The following LARGE1 variants were observed in gnomAD, a reference collection of about 807,000 sequenced individuals.
LARGE1 encodes xylosyl- and glucuronyltransferase LARGE1.
In LARGE1, 43 loss-of-function variants were observed where a neutral mutation model predicts 87.6. The observed-to-expected ratio is 0.49, with a 90% CI of 0.38 to 0.63. LARGE1 has a LOEUF of 0.63. Among genes scored for constraint, LARGE1 ranks in the 30% least tolerant of loss-of-function variants. The probability of loss-of-function intolerance (pLI) is 0.00; values close to 1 mark genes in which losing one functional copy is unlikely to be tolerated. For synonymous variants in LARGE1, 434 were observed against 394.6 expected (o/e 1.10, Z -1.18); for missense variants, 802 against 1,000.2 (o/e 0.80, Z 2.67).
chr22:33,468,768 A>T (rs1469464602), intron 6 of LARGE1, among the ~76,000 whole-genome samples: 3 of 152,176 alleles, frequency 2.0e-5, no homozygotes, highest in African/African-American at 7.2e-5. Context: ...ATTCAAATCC[A>T]GGTTTGTCTG....
At chr22:33,849,592 CTTTTTTTTTT>C (rs71187287) in intron 1 of LARGE1, among the ~76,000 whole-genome samples, 1 of 88,592 alleles carries the variant, frequency 1.1e-5, no homozygotes, top group Non-Finnish European at 2.0e-5. Flanking sequence ...CTTTTCTTCT[CTTTTTTTTTT>C]TTTTTTTTTT....
At chr22:33,536,000 G>A (rs967016819) in intron 6 of LARGE1, among the ~76,000 whole-genome samples, 34 of 152,018 alleles carry the variant, frequency 2.2e-4, no homozygotes, top group African/African-American at 2.2e-4. Context: ...TTTATAATTC[G>A]CATGAAACAA....
At chr22:33,612,720 T>C (rs2079474180) in intron 4 of LARGE1, among the ~76,000 whole-genome samples, 2 of 152,220 alleles carry the variant, frequency 1.3e-5, no homozygotes, top group South Asian at 2.1e-4. Context: ...TGGGCTAGAA[T>C]GTGTGAGTTC....
At chr22:33,412,849 C>T (rs1025996812) in intron 7 of LARGE1, among the ~76,000 whole-genome samples, 4 of 152,124 alleles carry the variant, frequency 2.6e-5, no homozygotes, top group African/African-American at 7.2e-5. Flanking sequence ...TTAGTAGAGA[C>T]AGCGTTTCAC....
chr22:33,609,410 G>A (rs1163148283), intron 4 of LARGE1, among the ~76,000 whole-genome samples: 1 of 152,170 alleles, frequency 6.6e-6, no homozygotes, highest in East Asian at 1.9e-4. Flanking sequence ...TCTACAAGGA[G>A]GAGCACAAAA....
chr22:33,118,666 A>G, the LARGE1 span, among the ~76,000 whole-genome samples: 1 of 152,146 alleles, frequency 6.6e-6, no homozygotes, highest in South Asian at 2.1e-4. Context: ...AGGCTGTGGT[A>G]TCCTCCTTTT....
At chr22:33,342,380 T>A (rs1234458021) in intron 9 of LARGE1, among the ~76,000 whole-genome samples, 1 of 152,236 alleles carries the variant, frequency 6.6e-6, no homozygotes, top group Non-Finnish European at 1.5e-5. Context: ...TGCCAGGTAC[T>A]TAAGAGACAT....
intron 7 of LARGE1, among the ~76,000 whole-genome samples, chr22:33,413,855 TCA>T (rs1431636125): frequency 2.0e-5 from 3 of 152,202 alleles, no homozygotes; most frequent in Non-Finnish European, 4.4e-5. Context: ...ATCCATGTTG[TCA>T]CAGAGGGCAA....
intron 1 of LARGE1, among the ~76,000 whole-genome samples, chr22:33,886,183 T>C (rs574384167): frequency 9.8e-5 from 15 of 152,286 alleles, no homozygotes; most frequent in African/African-American, 3.6e-4. Flanking sequence ...TCCTGCTCCC[T>C]GGTGCTCAGT....
intron 11 of LARGE1, among the ~76,000 whole-genome samples, chr22:33,168,655 T>C (rs1214075484): frequency 2.6e-5 from 4 of 152,200 alleles, no homozygotes; most frequent in Non-Finnish European, 4.4e-5. Flanking sequence ...ATAAGGAAAA[T>C]ATCTACTATA....
intron 12 of LARGE1, among the ~76,000 whole-genome samples, chr22:33,285,210 G>A (rs1157328597): frequency 1.3e-5 from 2 of 152,126 alleles, no homozygotes; most frequent in Non-Finnish European, 2.9e-5. Flanking sequence ...GGGTCTCAGG[G>A]TCATCATGGC....
chr22:33,654,630 G>A (rs891769047), intron 2 of LARGE1, among the ~76,000 whole-genome samples: 8 of 152,176 alleles, frequency 5.3e-5, no homozygotes, highest in Non-Finnish European at 7.3e-5. Flanking sequence ...TCAGGGTAGT[G>A]AACAGCCAGC....
At chr22:33,811,068 A>C (rs2086480318) in intron 1 of LARGE1, among the ~76,000 whole-genome samples, 1 of 152,114 alleles carries the variant, frequency 6.6e-6, no homozygotes, top group Non-Finnish European at 1.5e-5. Flanking sequence ...TTAATGCGTG[A>C]GTGGAAGATG....
At chr22:33,629,719 A>C (rs2149090118) in intron 3 of LARGE1, among the ~76,000 whole-genome samples, 1 of 152,318 alleles carries the variant, frequency 6.6e-6, no homozygotes, top group East Asian at 1.9e-4. Context: ...GAAGCTATTA[A>C]GTTCAGTTTT....
At chr22:33,108,612 A>G in the LARGE1 span, 3 of 152,130 alleles carry the variant, frequency 2.0e-5, no homozygotes, top group Non-Finnish European at 2.9e-5. Flanking sequence ...AAACAGGGGA[A>G]CTAGTAGAAT....
chr22:33,475,712 C>T (rs935553454), intron 6 of LARGE1, among the ~76,000 whole-genome samples: 1 of 152,134 alleles, frequency 6.6e-6, no homozygotes. Flanking sequence ...ATCTGCCCCG[C>T]CTCAGCCTCC....
intron 9 of LARGE1, among the ~76,000 whole-genome samples, chr22:33,353,806 T>A (rs1012926538): frequency 6.6e-6 from 1 of 152,222 alleles, no homozygotes; most frequent in Non-Finnish European, 1.5e-5. Flanking sequence ...AAAAGAATTA[T>A]GGAGTAAGGT....
chr22:33,884,213 A>G (rs1601847346), intron 1 of LARGE1, among the ~76,000 whole-genome samples: 1 of 152,344 alleles, frequency 6.6e-6, no homozygotes, highest in Non-Finnish European at 1.5e-5. Flanking sequence ...GCCTCGGTCA[A>G]TGCCAGCTTC....
rs1169258204 is a variant in LARGE1, at chr22:33,797,496, C to T, written c.-82-35938G>A. 2.0e-5 allele frequency among the ~76,000 whole-genome samples: 3 copies of T among 152,290 alleles called. No homozygotes were observed. The Middle Eastern group carries it at 0.01, about 518-fold the overall frequency. The stretch of plus-strand genomic sequence containing the variant: ...AGCTCCCTTGCCATAGTGACTGATT[C>T]CAATGGGCATGAGCCAGAGTTACTC... On this transcript the variant is annotated intron_variant, in intron 1 of 14. Coordinates refer to ENST00000397394, the MANE Select transcript of LARGE1 (RefSeq NM_133642.5).
Sources: allele counts gnomAD v4.1 joint callset (sites outside exome capture counted in the v4.1 genomes callset), GRCh38; gene constraint gnomAD v4.1.1; transcripts MANE v1.5; gene names NCBI Gene and HGNC (gene_info 2026-07-23, HGNC 2026-07-21).